DNAJC1: variants seen among roughly 807,000 people sequenced by gnomAD.
The protein encoded by DNAJC1 is dnaJ homolog subfamily C member 1.
A neutral mutation model predicts 76.6 loss-of-function variants in DNAJC1; 58 were observed. That is an observed-to-expected ratio of 0.76 (90% CI 0.61 to 0.94). The LOEUF (loss-of-function observed/expected upper bound fraction) is 0.94, where lower values mean the gene tolerates loss of function less well. DNAJC1 is among the 40% of genes least tolerant of loss of function. The pLI, the probability that DNAJC1 is intolerant of heterozygous loss-of-function variation, is 0.00. For missense variants in DNAJC1, 689 were observed against 677.3 expected, an observed-to-expected ratio of 1.02 and a Z score of -0.19; for synonymous variants, 258 against 267.9, an observed-to-expected ratio of 0.96 and a Z score of 0.36.
At chr10:21,954,373 T>C (rs1837647640) in intron 1 of DNAJC1, among the ~76,000 whole-genome samples, 1 of 152,140 alleles carries the variant, frequency 6.6e-6, no homozygotes, top group East Asian at 1.9e-4. Flanking sequence ...AAGATCAGAA[T>C]AAGCATCTAA....
At chr10:21,873,390 T>G (rs1836135846) in intron 8 of DNAJC1, among the ~76,000 whole-genome samples, 1 of 152,166 alleles carries the variant, frequency 6.6e-6, no homozygotes, top group African/African-American at 2.4e-5. Flanking sequence ...ACTCATGATT[T>G]TGAGAAATCT....
chr10:21,986,217 A>G (rs1439159103), intron 1 of DNAJC1, among the ~76,000 whole-genome samples: 2 of 152,194 alleles, frequency 1.3e-5, no homozygotes, highest in East Asian at 1.9e-4. Context: ...CTCCATCTCA[A>G]AAAAACAACT....
intron 4 of DNAJC1, among the ~76,000 whole-genome samples, chr10:21,920,136 T>G (rs1837017388): frequency 6.6e-6 from 1 of 152,054 alleles, no homozygotes; most frequent in Non-Finnish European, 1.5e-5. Context: ...AGTTCAGGAC[T>G]GTCAGTCATG....
chr10:21,994,647 C>G (rs568374504), intron 1 of DNAJC1, among the ~76,000 whole-genome samples: 1 of 151,958 alleles, frequency 6.6e-6, no homozygotes, highest in Non-Finnish European at 1.5e-5. Context: ...AAAAATTAGA[C>G]AGGCATGGTG....
intron 9 of DNAJC1, among the ~76,000 whole-genome samples, chr10:21,776,575 T>A (rs975621081): frequency 6.6e-6 from 1 of 152,190 alleles, no homozygotes; most frequent in Non-Finnish European, 1.5e-5. Flanking sequence ...ATAAACCACT[T>A]TGAAAAATTA....
At chr10:21,899,083 C>G (rs1836599748) in intron 7 of DNAJC1, among the ~76,000 whole-genome samples, 1 of 152,162 alleles carries the variant, frequency 6.6e-6, no homozygotes, top group South Asian at 2.1e-4. Flanking sequence ...CAGTGAGTGA[C>G]TGCAACCACA....
At chr10:22,003,098 C>T (rs1838549408) in intron 1 of DNAJC1, 115 bp downstream of exon 1, 2 of 1,331,294 alleles carry the variant, frequency 1.5e-6, no homozygotes, top group East Asian at 6.2e-5. Flanking sequence ...TGAGGGCAGC[C>T]AGAGCCCGGG....
At chr10:21,892,944 C>T (rs1836482254) in intron 7 of DNAJC1, among the ~76,000 whole-genome samples, 1 of 151,972 alleles carries the variant, frequency 6.6e-6, no homozygotes, top group African/African-American at 2.4e-5. Context: ...GTCCAATACC[C>T]CCTCTCAATA....
At chr10:21,939,388 C>A (rs1406297753) in intron 1 of DNAJC1, among the ~76,000 whole-genome samples, 3 of 152,130 alleles carry the variant, frequency 2.0e-5, no homozygotes, top group Admixed American at 2.0e-4. Context: ...TTAATCAAGA[C>A]CAACTGCCTC....
intron 11 of DNAJC1, among the ~76,000 whole-genome samples, chr10:21,757,157 T>C (rs192044892): frequency 6.6e-6 from 1 of 152,364 alleles, no homozygotes; most frequent in East Asian, 1.9e-4. Flanking sequence ...GGGTCTGGCT[T>C]TCCCTAGGCG....
chr10:21,938,416 G>T (rs1186270573), intron 1 of DNAJC1, among the ~76,000 whole-genome samples: 1 of 150,794 alleles, frequency 6.6e-6, no homozygotes, highest in East Asian at 1.9e-4. Flanking sequence ...CCTAAGTTTT[G>T]CTACGTAATA....
At chr10:21,869,223 A>C (rs1836061637) in intron 8 of DNAJC1, among the ~76,000 whole-genome samples, 1 of 151,462 alleles carries the variant, frequency 6.6e-6, no homozygotes, top group African/African-American at 2.4e-5. Context: ...CTCAAAAAAA[A>C]AAAAAAAAAA....
At chr10:21,845,423 C>T (rs182928775) in intron 8 of DNAJC1, among the ~76,000 whole-genome samples, 30 of 148,754 alleles carry the variant, frequency 2.0e-4, no homozygotes, top group Admixed American at 1.0e-3. Flanking sequence ...GGTGTGATCT[C>T]GGCTCACTGC....
At chr10:21,791,936 T>C (rs1266122849) in intron 9 of DNAJC1, among the ~76,000 whole-genome samples, 1 of 152,114 alleles carries the variant, frequency 6.6e-6, no homozygotes, top group Non-Finnish European at 1.5e-5. Context: ...AAAAAGTTGA[T>C]TTTTTGAAAA....
Position 21,809,271 on chromosome 10 carries a change from C to G in DNAJC1, c.979-3172G>C, listed in dbSNP as rs45446295. Among the ~76,000 whole-genome samples, 1,147 of 151,882 alleles carry G rather than the reference C, an allele frequency of 7.6e-3. 8 individuals carry two copies. The highest frequency in any genetic ancestry group is 0.014 in the Middle Eastern group (4 of 294). ...CAAATTAAAAAAAATTTTTAATGTA[C>G]TTGTTTATTGTATTTTTATACTTTA... On this transcript the variant is annotated intron_variant, in intron 8 of 11. Transcript: ENST00000376980.
intron 6 of DNAJC1, among the ~76,000 whole-genome samples, chr10:21,917,202 A>G (rs1292322180): frequency 6.6e-6 from 1 of 152,120 alleles, no homozygotes; most frequent in African/African-American, 2.4e-5. Context: ...CTACAAATTT[A>G]TGATGAGGCA....
Position 21,760,072 on chromosome 10 carries a change from C to T in DNAJC1, c.1148-454G>A, listed in dbSNP as rs368641520. ...AGTGTATGAGTAAATTATACACTTA[C>T]AAATAGTAGCTACAGTAAGAATTTT... On this transcript the variant is annotated intron_variant, in intron 10 of 11. Transcript: ENST00000376980. Among the ~76,000 whole-genome samples, 4 of 152,258 alleles carry T rather than the reference C, an allele frequency of 2.6e-5. No individual in the cohort carries two copies. In the East Asian group the frequency reaches 5.8e-4, roughly 22 times the overall value.
intron 9 of DNAJC1, among the ~76,000 whole-genome samples, chr10:21,772,914 A>C (rs1036220656): frequency 6.6e-6 from 1 of 152,148 alleles, no homozygotes; most frequent in Non-Finnish European, 1.5e-5. Context: ...GCAGAAGGCA[A>C]ACTAGGAGGC....
At chr10:21,966,669 C>G (rs1015372054) in intron 1 of DNAJC1, among the ~76,000 whole-genome samples, 1 of 147,342 alleles carries the variant, frequency 6.8e-6, no homozygotes, top group Non-Finnish European at 1.5e-5. Flanking sequence ...TTCTTTTGCC[C>G]ACCTCTTTCT....
Sources: gnomAD v4.1 joint callset for allele counts (sites outside exome capture counted in the v4.1 genomes callset) on GRCh38, gnomAD v4.1.1 for gene constraint, MANE v1.5 for transcripts, NCBI Gene and HGNC (gene_info 2026-07-23, HGNC 2026-07-21) for gene names.